Variants in NRXN3 observed in about 807,000 individuals in gnomAD.
NRXN3 encodes neurexin III.
Under a neutral mutation model 137.6 loss-of-function variants are expected in NRXN3, and 32 were observed. The observed-to-expected ratio is 0.23, with a 90% CI of 0.18 to 0.31. NRXN3 has a LOEUF of 0.31. NRXN3 is among the 10% of genes least tolerant of loss of function. NRXN3 has a pLI of 1.00. For synonymous variants in NRXN3, 798 were observed against 784.5 expected, an observed-to-expected ratio of 1.02 and a Z score of -0.29; for missense variants, 1,574 against 2,062.5, an observed-to-expected ratio of 0.76 and a Z score of 4.59.
chr14:78,677,249 A>G (rs1271689002), intron 6 of NRXN3, among the ~76,000 whole-genome samples: 2 of 152,150 alleles, frequency 1.3e-5, no homozygotes, highest in African/African-American at 2.4e-5. Flanking sequence ...CATTATGAAC[A>G]TTTGTGATTA....
chr14:78,593,363 C>T (rs755431348), intron 4 of NRXN3, among the ~76,000 whole-genome samples: 2 of 152,144 alleles, frequency 1.3e-5, no homozygotes, highest in Non-Finnish European at 2.9e-5. Flanking sequence ...AGCATGGAGG[C>T]CTTCTGAGAG....
At chr14:79,270,946 A>G (rs551413047) in intron 15 of NRXN3, among the ~76,000 whole-genome samples, 1 of 152,334 alleles carries the variant, frequency 6.6e-6, no homozygotes, top group South Asian at 2.1e-4. Flanking sequence ...GGGGCTGCTT[A>G]ATAACACTTT....
chr14:79,065,727 C>T (rs1473056128), intron 15 of NRXN3, among the ~76,000 whole-genome samples: 1 of 152,092 alleles, frequency 6.6e-6, no homozygotes, highest in Non-Finnish European at 1.5e-5. Context: ...AGACAAGTCA[C>T]CCCAATCTCG....
chr14:79,748,842 G>A (rs2098987924), intron 19 of NRXN3, among the ~76,000 whole-genome samples: 1 of 151,822 alleles, frequency 6.6e-6, no homozygotes, highest in Non-Finnish European at 1.5e-5. Flanking sequence ...ACAGAGAGAA[G>A]GAACCTGTTT....
chr14:78,520,160 T>G lies in NRXN3; in HGVS notation c.758-124960T>G, dbSNP rs150768512. 3.6e-3 allele frequency among the ~76,000 whole-genome samples: 544 copies of G among 152,302 alleles called. 2 individuals are homozygous for G. The highest frequency in any genetic ancestry group is 5.9e-3 in the Non-Finnish European group (402 of 68,014). On this transcript the variant is annotated intron_variant, in intron 4 of 20. Transcript: ENST00000335750. Reference sequence around the variant, plus strand: ...TGCAGTAATTACTTGATTGACCATTTCACTCACTGGCCCTGCCAGGACCTT... The same window carrying G: ...TGCAGTAATTACTTGATTGACCATTGCACTCACTGGCCCTGCCAGGACCTT...
intron 15 of NRXN3, among the ~76,000 whole-genome samples, chr14:79,225,258 GA>G (rs1223648944): frequency 6.6e-6 from 1 of 152,034 alleles, no homozygotes; most frequent in Non-Finnish European, 1.5e-5. Flanking sequence ...GGTTCTGTTT[GA>G]AAAAATCCCT....
At chr14:78,581,261 C>T (rs946986567) in intron 4 of NRXN3, among the ~76,000 whole-genome samples, 5 of 152,112 alleles carry the variant, frequency 3.3e-5, no homozygotes, top group Non-Finnish European at 7.4e-5. Context: ...AACAAAATAC[C>T]ACAGACTGAA....
intron 16 of NRXN3, among the ~76,000 whole-genome samples, chr14:79,639,200 G>A (rs898655692): frequency 3.3e-5 from 5 of 152,106 alleles, no homozygotes; most frequent in African/African-American, 1.2e-4. Flanking sequence ...AGAGATATTG[G>A]ACAGATTAGC....
At chr14:78,898,571 G>A (rs2099185652) in intron 10 of NRXN3, among the ~76,000 whole-genome samples, 1 of 143,524 alleles carries the variant, frequency 7.0e-6, no homozygotes. Flanking sequence ...GTGTGTGTGT[G>A]TGTGTGTGTG....
rs372681987 is a variant in NRXN3, at chr14:78,535,949, C to CT, written c.758-109162dup. ...TATGATTTATGATACTCCCAAGAGA[C>CT]TTTTTTTTTAATCGTGTGAAGCCAT... On this transcript the variant is annotated intron_variant, in intron 4 of 20. Transcript: ENST00000335750. Among the ~76,000 whole-genome samples the CT allele has an allele frequency of 3.6e-4, 54 of 151,394 alleles. No individual in the cohort carries two copies. The East Asian group carries it at 6.2e-3, about 17-fold the overall frequency.
rs956001133 is a variant in NRXN3, at chr14:79,755,710, G to A, written c.4015-49402G>A. ...TTTACATTTACTTGCATGGCTCTGT[G>A]TAGCTTGCTTTTTATGCTAGGCAGG... On this transcript the variant is annotated intron_variant, in intron 19 of 20. Transcript: ENST00000335750. Among the ~76,000 whole-genome samples, 5 of 152,040 alleles carry A rather than the reference G, an allele frequency of 3.3e-5. No individual in the cohort carries two copies. In the East Asian group the frequency reaches 5.8e-4, roughly 18 times the overall value.
intron 15 of NRXN3, among the ~76,000 whole-genome samples, chr14:79,146,582 A>G (rs915209974): frequency 1.3e-5 from 2 of 152,150 alleles, no homozygotes; most frequent in Admixed American, 6.5e-5. Flanking sequence ...ATGAGGTCTG[A>G]TAGGCTTTAG....
intron 15 of NRXN3, among the ~76,000 whole-genome samples, chr14:79,328,261 A>C (rs2091193061): frequency 6.6e-6 from 1 of 152,174 alleles, no homozygotes; most frequent in Non-Finnish European, 1.5e-5. Flanking sequence ...AAATTTATAA[A>C]AGTGAATTCA....
chr14:79,812,994 GTATATA>G (rs147637259), intron 20 of NRXN3, among the ~76,000 whole-genome samples: 1 of 150,042 alleles, frequency 6.7e-6, no homozygotes, highest in Non-Finnish European at 1.5e-5. Context: ...TGTACTGTGT[GTATATA>G]TATATATATG....
intron 15 of NRXN3, among the ~76,000 whole-genome samples, chr14:79,300,047 G>A (rs1049016208): frequency 6.6e-6 from 1 of 152,010 alleles, no homozygotes; most frequent in African/African-American, 2.4e-5. Context: ...CTATAATGAG[G>A]TGGAAAGCGA....
rs759013988 is a variant in NRXN3 at position 78,698,290 on chromosome 14, G to A, written c.1222-10927G>A. On this transcript the variant is annotated intron_variant, in intron 6 of 20. Transcript: ENST00000335750. Reference sequence around the variant, plus strand: ...ACCAACTATGCTAGACTTCTTAAAGGTTCTATTTCATTGAATGCTTTTACA... The same window carrying A: ...ACCAACTATGCTAGACTTCTTAAAGATTCTATTTCATTGAATGCTTTTACA... 1.2e-4 allele frequency: 19 copies of A among 152,064 alleles called. No homozygotes were observed. In the East Asian group the frequency reaches 1.5e-3, roughly 12 times the overall value. The allele number at this position is 152,064 out of a possible 1,614,324, so 9.4% of individuals were successfully genotyped here.
chr14:78,798,740 A>G (rs2098829950), intron 8 of NRXN3, among the ~76,000 whole-genome samples: 1 of 152,174 alleles, frequency 6.6e-6, no homozygotes, highest in African/African-American at 2.4e-5. Flanking sequence ...ATCCTCTGAA[A>G]TCTAGGTGGA....
chr14:78,411,733 A>G (rs779500393), intron 4 of NRXN3, among the ~76,000 whole-genome samples: 73 of 152,280 alleles, frequency 4.8e-4, no homozygotes, highest in South Asian at 2.5e-3. Flanking sequence ...CCACCAGTGC[A>G]GTTCTCCCTG....
At chr14:79,088,642 A>T (rs7144999) in intron 15 of NRXN3, among the ~76,000 whole-genome samples, 139,758 of 152,132 alleles carry the variant, frequency 0.92, 65,091 homozygotes, top group Non-Finnish European at 0.99. Flanking sequence ...ATTAGGTTAG[A>T]ATATATTCAA....
Sources: gnomAD v4.1 joint callset for allele counts (sites outside exome capture counted in the v4.1 genomes callset) on GRCh38, gnomAD v4.1.1 for gene constraint, MANE v1.5 for transcripts, NCBI Gene and HGNC (gene_info 2026-07-23, HGNC 2026-07-21) for gene names.